The following SLC30A6 variants were observed in gnomAD, a reference collection of about 807,000 sequenced individuals.
SLC30A6 encodes solute carrier family 30 member 6.
SLC30A6 carries 55 observed loss-of-function variants against 63.0 expected under a neutral mutation model. That is an observed-to-expected ratio of 0.87 (90% CI 0.70 to 1.09). The LOEUF is 1.09. SLC30A6 is among the 50% of genes least tolerant of loss of function. SLC30A6 has a pLI of 0.00. For synonymous variants in SLC30A6, 224 were observed against 186.1 expected (o/e 1.20, Z -1.66); for missense variants, 587 against 549.2 (o/e 1.07, Z -0.69).
In SLC30A6 at chr2:32,208,673, G is replaced by A. The variant is rs1372322423; in HGVS notation, c.817-820G>A. On this transcript the variant is annotated intron_variant, in intron 12 of 13. Transcript: ENST00000282587. ...AGTGCCGTGTTCTCTGCTTCCCACC[G>A]GCTAATTGTTGTACTTTTTTAGTAG... Among the ~76,000 whole-genome samples the A allele has an allele frequency of 4.5e-5, 5 of 110,090 alleles. No homozygotes were observed. In the East Asian group the frequency reaches 7.1e-4, roughly 16 times the overall value. 72.2% of individuals were successfully genotyped at this position (110,090 alleles called of 152,430 possible). A position where few individuals can be genotyped will look rare whatever the true frequency, so the allele number is the denominator to read the frequency against.
chr2:32,204,660 A>C lies in SLC30A6; in HGVS notation c.736A>C (p.Met246Leu). The C allele has an allele frequency of 6.2e-7, 1 of 1,612,886 alleles. No homozygotes were observed. The highest frequency in any genetic ancestry group is 8.5e-7 in the Non-Finnish European group (1 of 1,179,244). ...ALMTFGTMYP[M>L]SVYSGKVLLQ... is the part of the protein sequence containing the mutation. ...GATGACATTTGGCACTATGTATCCC[A>C]TGAGTGTGTACAGTGGGAAAGTCTT... is the stretch of plus-strand genomic sequence containing the variant. Residue 246 changes from methionine (M) to leucine (L), a missense_variant, in exon 11 of 14, where the codon ATG (methionine) becomes CTG (leucine). By Grantham distance (15) the Met-to-Leu change is conservative. Coordinates refer to ENST00000282587, the MANE Select transcript of SLC30A6 (RefSeq NM_017964.5).
At chr2:32,212,769 G>C (rs968764261) in intron 13 of SLC30A6, among the ~76,000 whole-genome samples, 5 of 147,968 alleles carry the variant, frequency 3.4e-5, no homozygotes, top group Non-Finnish European at 7.5e-5. Context: ...GCTAATTTTT[G>C]AATTTTTTGG....
intron 8 of SLC30A6, among the ~76,000 whole-genome samples, chr2:32,197,021 C>T (rs571870955): frequency 6.6e-6 from 1 of 152,178 alleles, no homozygotes; most frequent in African/African-American, 2.4e-5. Context: ...GATGGCACCA[C>T]TGCACTCCAG....
intron 11 of SLC30A6, among the ~76,000 whole-genome samples, chr2:32,206,584 C>T (rs980617558): frequency 1.3e-5 from 2 of 152,148 alleles, no homozygotes; most frequent in African/African-American, 4.8e-5. Flanking sequence ...TTGCATAGTG[C>T]TATGCCCTAT....
intron 4 of SLC30A6, among the ~76,000 whole-genome samples, chr2:32,175,670 A>G (rs901492042): frequency 6.6e-6 from 1 of 152,166 alleles, no homozygotes; most frequent in African/African-American, 2.4e-5. Flanking sequence ...AACAACAATA[A>G]TTAGAGACAT....
At chr2:32,207,950 G>A (rs1478295041) in intron 12 of SLC30A6, among the ~76,000 whole-genome samples, 2 of 151,536 alleles carry the variant, frequency 1.3e-5, no homozygotes, top group East Asian at 3.9e-4. Flanking sequence ...CACCCACCTC[G>A]ACCTCCCAAA....
At chr2:32,187,574 A>T (rs751213974) in intron 5 of SLC30A6, among the ~76,000 whole-genome samples, 1 of 152,220 alleles carries the variant, frequency 6.6e-6, no homozygotes, top group Non-Finnish European at 1.5e-5. Flanking sequence ...CTGAAGTATC[A>T]CATATATCTG....
In SLC30A6 at chr2:32,165,933, G is replaced by A. The variant is rs375327552; in HGVS notation, c.3+30G>A. 1.8e-5 allele frequency: 29 copies of A among 1,613,998 alleles called. No individual in the cohort carries two copies. The African/African-American group carries it at 3.1e-4, about 17-fold the overall frequency. On this transcript the variant is annotated intron_variant, in intron 1 of 13. Coordinates refer to ENST00000282587, the MANE Select transcript of SLC30A6 (RefSeq NM_017964.5). ...GTTGGCTGTTGGGGTGAGGGTTTCG[G>A]CTGTAGCTGATTCGGTTTATCTTAT...
chr2:32,180,019 A>C (rs1440222476), intron 4 of SLC30A6, among the ~76,000 whole-genome samples: 1 of 152,080 alleles, frequency 6.6e-6, no homozygotes, highest in East Asian at 1.9e-4. Flanking sequence ...GTGCTTTGGG[A>C]GGCTGAGGCA....
At chr2:32,194,119 A>C (rs1269762695) in intron 8 of SLC30A6, 136 bp downstream of exon 8, 1 of 562,114 alleles carries the variant, frequency 1.8e-6, no homozygotes, top group Non-Finnish European at 2.9e-6. Context: ...AAATGTTCTC[A>C]AGTCTTTTTT....
At chr2:32,170,928 A>G (rs1485486578) in intron 1 of SLC30A6, among the ~76,000 whole-genome samples, 1 of 152,196 alleles carries the variant, frequency 6.6e-6, no homozygotes, top group East Asian at 1.9e-4. Flanking sequence ...GTGAATTTTC[A>G]GTAGAAATTT....
At position 32,192,403 on chromosome 2, in the gene SLC30A6, A is replaced by G. The variant is rs1683407852; in HGVS notation, c.352A>G (p.Ile118Val). The G allele has an allele frequency of 6.2e-7, 1 of 1,613,740 alleles. No homozygotes were observed. Among genetic ancestry groups the G allele is most frequent in the Non-Finnish European group, 8.5e-7 (1 of 1,179,674 alleles). ...TVLAQLGALFILKESAERFLE... is the reference protein window; with the variant it reads ...TVLAQLGALFVLKESAERFLE... ...CTTGGCACAGTTGGGAGCTCTCTTT[A>G]TATTAAAAGAAAGGTACATTTGTAT... is the stretch of plus-strand genomic sequence containing the variant. The change falls in exon 6 of 14, where the codon ATA becomes GTA. Residue 118 changes from isoleucine to valine, a missense_variant. By Grantham distance (29) the Ile-to-Val change is conservative. Transcript: ENST00000282587.
At chr2:32,174,177 G>T (rs747043708) in intron 3 of SLC30A6, 30 bp downstream of exon 3, 33 of 1,527,606 alleles carry the variant, frequency 2.2e-5, no homozygotes, top group Non-Finnish European at 2.8e-5. Flanking sequence ...TTATGGAGTT[G>T]TTATTTTTAC....
intron 10 of SLC30A6, chr2:32,204,131 T>A (rs542754302): frequency 1.1e-5 from 4 of 376,172 alleles, no homozygotes; most frequent in South Asian, 4.1e-5. Flanking sequence ...CATATTTTTT[T>A]AAAAAGTATT....
chr2:32,195,822 G>T (rs182445126), intron 8 of SLC30A6, among the ~76,000 whole-genome samples: 65 of 152,170 alleles, frequency 4.3e-4, no homozygotes, highest in African/African-American at 1.5e-3. Flanking sequence ...GACGACAGGC[G>T]TGAGCCACTG....
Position 32,220,836 on chromosome 2 carries a change from A to T in SLC30A6, c.*123A>T. The T allele has an allele frequency of 1.1e-6, 1 of 883,586 alleles. No individual in the cohort carries two copies. The highest frequency in any genetic ancestry group is 1.7e-6 in the Non-Finnish European group (1 of 596,300). The allele number at this position is 883,586 out of a possible 1,614,324, so 54.7% of individuals were successfully genotyped here. On this transcript the variant is annotated 3_prime_UTR_variant, in exon 14 of 14. Coordinates refer to ENST00000282587, the MANE Select transcript of SLC30A6 (RefSeq NM_017964.5). The stretch of plus-strand genomic sequence containing the variant: ...ATGTTAGATAATAGTAGTCTTGTTC[A>T]CATTTCATGAAACCTATGAAACTAT...
At chr2:32,180,927 C>T (rs1682253844) in intron 4 of SLC30A6, among the ~76,000 whole-genome samples, 1 of 152,154 alleles carries the variant, frequency 6.6e-6, no homozygotes, top group African/African-American at 2.4e-5. Flanking sequence ...GGCTCACAAT[C>T]TGCCATATGA....
At chr2:32,195,134 C>G (rs190804244) in intron 8 of SLC30A6, among the ~76,000 whole-genome samples, 4 of 128,674 alleles carry the variant, frequency 3.1e-5, no homozygotes, top group East Asian at 2.4e-4. Context: ...GAGTCTCACT[C>G]TCTTGCCCAG....
chr2:32,189,077 GTA>G (rs1337950747), intron 5 of SLC30A6, among the ~76,000 whole-genome samples: 3 of 152,048 alleles, frequency 2.0e-5, no homozygotes, highest in Non-Finnish European at 1.5e-5. Context: ...GAACATTCTT[GTA>G]TATATCTTTT....
Sources: gnomAD v4.1 joint callset for allele counts (sites outside exome capture counted in the v4.1 genomes callset) on GRCh38, gnomAD v4.1.1 for gene constraint, MANE v1.5 for transcripts, NCBI Gene and HGNC (gene_info 2026-07-23, HGNC 2026-07-21) for gene names.